Variants in CARMIL1 observed in about 807,000 individuals in gnomAD.
CARMIL1 encodes the protein F-actin-uncapping protein LRRC16A.
A neutral mutation model predicts 177.1 loss-of-function variants in CARMIL1; 90 were observed. That is an observed-to-expected ratio of 0.51 (90% CI 0.43 to 0.61). CARMIL1 has a LOEUF of 0.61. Ranked by LOEUF, CARMIL1 falls within the 20% of genes least tolerant of loss-of-function variation. The pLI is 0.00. For synonymous variants in CARMIL1, 577 were observed against 606.2 expected, an observed-to-expected ratio of 0.95 and a Z score of 0.71; for missense variants, 1,380 against 1,667.0, an observed-to-expected ratio of 0.83 and a Z score of 3.00.
intron 2 of CARMIL1, among the ~76,000 whole-genome samples, chr6:25,416,220 T>C (rs1795346232): frequency 6.6e-6 from 1 of 152,240 alleles, no homozygotes; most frequent in East Asian, 1.9e-4. Context: ...ACGTGTTTGC[T>C]TCTTTCTGGC....
chr6:25,579,775 A>G (rs1372537654), intron 29 of CARMIL1, among the ~76,000 whole-genome samples: 2 of 152,224 alleles, frequency 1.3e-5, no homozygotes, highest in Non-Finnish European at 2.9e-5. Context: ...TCTCTCAACA[A>G]TAAATAATAG....
At chr6:25,435,096 A>T (rs958239189) in intron 4 of CARMIL1, among the ~76,000 whole-genome samples, 4 of 152,196 alleles carry the variant, frequency 2.6e-5, no homozygotes, top group Non-Finnish European at 5.9e-5. Flanking sequence ...TCGTGTTTGA[A>T]TGTGGGAGTT....
At chr6:25,454,878 A>T (rs1050194576) in intron 8 of CARMIL1, among the ~76,000 whole-genome samples, 4 of 152,136 alleles carry the variant, frequency 2.6e-5, no homozygotes, top group African/African-American at 9.7e-5. Flanking sequence ...GCATAAGTTG[A>T]TGTGATGTGT....
At chr6:25,570,889 C>T (rs1812014649) in intron 29 of CARMIL1, among the ~76,000 whole-genome samples, 1 of 152,182 alleles carries the variant, frequency 6.6e-6, no homozygotes. Context: ...CTTCCCTATA[C>T]CTTTTCTTCC....
chr6:25,547,045 G>A (rs917034538), intron 26 of CARMIL1, among the ~76,000 whole-genome samples: 5 of 152,030 alleles, frequency 3.3e-5, no homozygotes, highest in African/African-American at 1.2e-4. Flanking sequence ...GTAACAGAGC[G>A]AGACTCCATC....
intron 8 of CARMIL1, among the ~76,000 whole-genome samples, chr6:25,452,760 T>C (rs1799106923): frequency 6.6e-6 from 1 of 152,224 alleles, no homozygotes; most frequent in Admixed American, 6.5e-5. Context: ...AAAATTGTGA[T>C]ATGTTGTTTT....
chr6:25,539,515 C>T (rs1434882945), intron 25 of CARMIL1, among the ~76,000 whole-genome samples: 1 of 149,588 alleles, frequency 6.7e-6, no homozygotes, highest in Non-Finnish European at 1.5e-5. Context: ...ATCCCAGCTT[C>T]TCGGGAGACT....
At chr6:25,345,989 T>C (rs1381795605) in intron 2 of CARMIL1, among the ~76,000 whole-genome samples, 1 of 152,200 alleles carries the variant, frequency 6.6e-6, no homozygotes, top group African/African-American at 2.4e-5. Flanking sequence ...TCAAAACGTA[T>C]CCAGAGTTGA....
At chr6:25,485,898 A>C (rs1180033755) in intron 12 of CARMIL1, among the ~76,000 whole-genome samples, 1 of 151,862 alleles carries the variant, frequency 6.6e-6, no homozygotes, top group African/African-American at 2.4e-5. Flanking sequence ...GGTGAATTTG[A>C]CTAGCATTTA....
chr6:25,465,071 CAAAAA>C (rs558022196), intron 8 of CARMIL1, among the ~76,000 whole-genome samples: 1 of 62,014 alleles, frequency 1.6e-5, no homozygotes, highest in Non-Finnish European at 3.4e-5. Flanking sequence ...AGAACTAAAG[CAAAAA>C]AAAAAAAAAA....
chr6:25,459,823 T>G (rs1799980004), intron 8 of CARMIL1, among the ~76,000 whole-genome samples: 1 of 152,214 alleles, frequency 6.6e-6, no homozygotes, highest in African/African-American at 2.4e-5. Flanking sequence ...TACAGGAGAA[T>G]GCAATGTTGC....
intron 22 of CARMIL1, among the ~76,000 whole-genome samples, chr6:25,519,746 T>G (rs1806356601): frequency 6.6e-6 from 1 of 152,228 alleles, no homozygotes; most frequent in Admixed American, 6.5e-5. Context: ...AATAGACTAT[T>G]TTGTGGATGC....
intron 31 of CARMIL1, among the ~76,000 whole-genome samples, chr6:25,592,667 C>T (rs979598208): frequency 1.3e-5 from 2 of 152,302 alleles, no homozygotes; most frequent in Admixed American, 6.5e-5. Flanking sequence ...ATGAATGAAG[C>T]GGATGATTGT....
intron 20 of CARMIL1, among the ~76,000 whole-genome samples, chr6:25,512,118 A>C (rs1805511750): frequency 6.6e-6 from 1 of 152,212 alleles, no homozygotes. Context: ...TTACATAATT[A>C]TACTTAAAAT....
At chr6:25,553,198 G>T (rs1019976149) in intron 27 of CARMIL1, among the ~76,000 whole-genome samples, 37 of 152,192 alleles carry the variant, frequency 2.4e-4, no homozygotes, top group African/African-American at 8.9e-4. Flanking sequence ...TGGAATATAG[G>T]TATGTATTTC....
chr6:25,553,953 AT>A, intron 27 of CARMIL1, 55 bp from the exon 28 acceptor site: 1 of 1,181,656 alleles, frequency 8.5e-7, no homozygotes, highest in Non-Finnish European at 1.2e-6. Context: ...AGGGTGGATC[AT>A]TTTCCCCTCT....
chr6:25,495,571 G>GTGTGTGTA (rs1554209853), intron 16 of CARMIL1, among the ~76,000 whole-genome samples: 1 of 150,516 alleles, frequency 6.6e-6, no homozygotes, highest in Non-Finnish European at 1.5e-5. Context: ...GTGTGTGTGT[G>GTGTGTGTA]TGTGTTTTCA....
At chr6:25,400,891 A>G (rs1041053399) in intron 2 of CARMIL1, among the ~76,000 whole-genome samples, 1 of 152,232 alleles carries the variant, frequency 6.6e-6, no homozygotes, top group African/African-American at 2.4e-5. Context: ...GGAACCATCA[A>G]TTCAGACTTG....
Position 25,489,113 on chromosome 6 carries a change from C to T in CARMIL1, c.1065+528C>T, listed in dbSNP as rs569684778. 6.6e-5 allele frequency among the ~76,000 whole-genome samples: 10 copies of T among 151,918 alleles called. No homozygotes were observed. The East Asian group carries it at 1.2e-3, about 18-fold the overall frequency. ...CCTGGAGGCGGAGGTTGTGGTGAGC[C>T]GAGATTACACCACTGCACTCCAGCC... On this transcript the variant is annotated intron_variant, in intron 13 of 36. Transcript: ENST00000329474.
Sources: gnomAD v4.1 joint callset for allele counts (sites outside exome capture counted in the v4.1 genomes callset) on GRCh38, gnomAD v4.1.1 for gene constraint, MANE v1.5 for transcripts, NCBI Gene and HGNC (gene_info 2026-07-23, HGNC 2026-07-21) for gene names.